ELFN2: variants seen among roughly 807,000 people sequenced by gnomAD.
ELFN2 encodes the protein protein phosphatase 1 regulatory subunit 29.
ELFN2 carries 17 observed loss-of-function variants against 45.5 expected under a neutral mutation model. The ratio of observed to expected loss-of-function variants is 0.37; its 90% confidence interval spans 0.26 to 0.56. The LOEUF is 0.56. ELFN2 is among the 20% of genes least tolerant of loss of function. The probability of loss-of-function intolerance (pLI) is 0.77; values close to 1 mark genes in which losing one functional copy is unlikely to be tolerated. For missense variants in ELFN2, 922 were observed against 1,183.2 expected, an observed-to-expected ratio of 0.78 and a Z score of 3.24; for synonymous variants, 550 against 551.5, an observed-to-expected ratio of 1.00 and a Z score of 0.04.
chr22:37,405,251 C>G (rs965540450), intron 2 of ELFN2, among the ~76,000 whole-genome samples: 1 of 152,066 alleles, frequency 6.6e-6, no homozygotes, highest in East Asian at 1.9e-4. Flanking sequence ...TTCCACCACA[C>G]CCAGCTAATT....
chr22:37,392,008 AG>A (rs2145659603), intron 2 of ELFN2, among the ~76,000 whole-genome samples: 1 of 152,300 alleles, frequency 6.6e-6, no homozygotes, highest in African/African-American at 2.4e-5. Context: ...TGCTGCAAGG[AG>A]GAGGAAAAGG....
rs552165003 is a variant in ELFN2 at position 37,375,511 on chromosome 22, C to G, written c.24G>C (p.Ala8=). MLRLGLC[A]AALLCVCRPG... The stretch of plus-strand genomic sequence containing the variant: ...GCCGGCACACGCACAGCAGCGCCGC[C>G]GCGCACAGCCCCAGGCGCAGCATGG... Residue 8 remains alanine, a synonymous_variant, in exon 3 of 3, where the codon GCG becomes GCC. Transcript: ENST00000402918. 2 of 1,565,968 alleles carry G rather than the reference C, an allele frequency of 1.3e-6. No individual in the cohort carries two copies. Among genetic ancestry groups the G allele is most frequent in the South Asian group, 2.3e-5 (2 of 86,302 alleles).
At position 37,373,435 on chromosome 22, in the gene ELFN2, C is replaced by G; in HGVS notation, c.2100G>C (p.Lys700Asn). Residue 700 changes from lysine (K) to asparagine (N), a missense_variant, in exon 3 of 3, where the codon AAG (lysine) becomes AAC (asparagine). Physicochemically the swap from Lys to Asn is moderately conservative, Grantham distance 94 (BLOSUM62 0). Coordinates refer to ENST00000402918, the MANE Select transcript of ELFN2 (RefSeq NM_052906.5). Reference protein sequence around the residue: ...GGGGIHHLEVKPAYHCSEHRH... With the variant: ...GGGGIHHLEVNPAYHCSEHRH... ...GGTGCTCGCTGCAGTGGTAGGCCGG[C>G]TTCACCTCCAGGTGGTGGATGCCCC... The G allele has an allele frequency of 6.4e-7, 1 of 1,553,534 alleles. No individual in the cohort carries two copies. Among genetic ancestry groups the G allele is most frequent in the South Asian group, 1.2e-5 (1 of 85,236 alleles).
At chr22:37,409,209 A>G (rs944597154) in intron 2 of ELFN2, among the ~76,000 whole-genome samples, 13 of 151,952 alleles carry the variant, frequency 8.6e-5, no homozygotes, top group African/African-American at 3.1e-4. Context: ...TGTGCCTGGC[A>G]CTCGCCTACC....
In ELFN2 at chr22:37,373,293, G is replaced by C; in HGVS notation, c.2242C>G (p.Pro748Ala). ...GAGTACCCTGAGTAGTAGTGTCTGG[G>C]GGAGAGCTGCGAGTAGGTGGAGTCA... ...KRDSTYSQLS[P>A]RHYYSGYSSS... Residue 748 changes from proline (P) to alanine (A), a missense_variant, in exon 3 of 3, where the codon CCC (proline) becomes GCC (alanine). This residue lies in a region of ELFN2 where 564 missense variants were observed against 642.8 expected (regional missense o/e 0.88). Coordinates refer to ENST00000402918, the MANE Select transcript of ELFN2 (RefSeq NM_052906.5). 2 of 1,613,794 alleles carry C rather than the reference G, an allele frequency of 1.2e-6. No homozygotes were observed. Among genetic ancestry groups the C allele is most frequent in the African/African-American group, 1.3e-5 (1 of 75,062 alleles).
At chr22:37,384,615 C>CACCTGACCCTGCCTCCCA (rs1411111870) in intron 2 of ELFN2, among the ~76,000 whole-genome samples, 72 of 87,544 alleles carry the variant, frequency 8.2e-4, no homozygotes, top group Non-Finnish European at 1.1e-3. Flanking sequence ...CCTGCCTCCC[C>CACCTGACCCTGCCTCCCA]CACCTGACCC....
exon 3 of ELFN2, chr22:37,340,862 A>G (rs1930541991): frequency 6.6e-6 from 1 of 152,232 alleles, no homozygotes; most frequent in African/African-American, 2.4e-5. Context: ...TACAGATGAG[A>G]AAAGTGAGGC....
At chr22:37,376,402 T>TAC (rs3041587) in intron 2 of ELFN2, among the ~76,000 whole-genome samples, 2,067 of 150,898 alleles carry the variant, frequency 0.014, 53 homozygotes, top group African/African-American at 0.047. Context: ...CGCAGACAGC[T>TAC]ACACACACAC....
rs142964476 is a variant in ELFN2, at chr22:37,351,451, G to A, written n.149-8748C>T. Among the ~76,000 whole-genome samples, 214 of 150,202 alleles carry A rather than the reference G, an allele frequency of 1.4e-3. 8 individuals are homozygous for A. Among genetic ancestry groups the A allele is most frequent in the South Asian group, 7.7e-3 (37 of 4,794 alleles). ...CTCCCTCACCTCTCCTCGAGTGACA[G>A]GTGCTGGGTGCTGGCATTGACTCCT... On this transcript the variant is annotated intron_variant and non_coding_transcript_variant, in intron 1 of 2. Transcript: ENST00000452946.
chr22:37,405,464 A>C (rs1042274029), intron 2 of ELFN2, among the ~76,000 whole-genome samples: 2 of 152,044 alleles, frequency 1.3e-5, no homozygotes, highest in Non-Finnish European at 1.5e-5. Flanking sequence ...GTCACTGTAA[A>C]CATGAAATAA....
In ELFN2 at chr22:37,417,220, G is replaced by A. The variant is rs923302232; in HGVS notation, c.-463+549C>T. Among the ~76,000 whole-genome samples the A allele has an allele frequency of 1.3e-5, 2 of 152,192 alleles. No homozygotes were observed. The highest frequency in any genetic ancestry group is 2.4e-5 in the African/African-American group (1 of 41,448). On this transcript the variant is annotated intron_variant, in intron 2 of 2. Coordinates refer to ENST00000402918, the MANE Select transcript of ELFN2 (RefSeq NM_052906.5). The surrounding 1 kb of genome is among the most constrained non-coding windows in gnomAD (Gnocchi z 4.5). ...GTCTGCCTGTTTGCGGCCTCCTAGT[G>A]CCAGACGGCTCTCCCTGTGCCTCCA...
intron 2 of ELFN2, among the ~76,000 whole-genome samples, chr22:37,415,776 C>T (rs769587692): frequency 2.0e-4 from 30 of 152,168 alleles, no homozygotes; most frequent in Non-Finnish European, 3.4e-4. Flanking sequence ...TCCTGGCTAA[C>T]ACCGTGAAAC....
chr22:37,344,006 C>A (rs982413234), intron 1 of ELFN2, among the ~76,000 whole-genome samples: 1 of 148,552 alleles, frequency 6.7e-6, no homozygotes, highest in South Asian at 2.1e-4. Flanking sequence ...CCTGCCCATG[C>A]CCCCCTGCCT....
At position 37,374,336 on chromosome 22, in the gene ELFN2, G is replaced by A; in HGVS notation, c.1199C>T (p.Thr400Ile). ...CATGCCAAAGAGGCAGCCCAGGATG[G>A]TCATGATGTAGTGGGTGGTGGTGGA... ...STSTTTHYIM[T>I]ILGCLFGMVI... The change falls in exon 3 of 3, where the codon ACC (threonine) becomes ATC (isoleucine). Residue 400 changes from threonine to isoleucine, a missense_variant. Thr to Ile is a moderately conservative substitution (Grantham distance 89). Transcript: ENST00000402918. The A allele has an allele frequency of 1.2e-5, 19 of 1,614,060 alleles. No homozygotes were observed. The highest frequency in any genetic ancestry group is 1.6e-5 in the Non-Finnish European group (19 of 1,180,020).
chr22:37,389,677 C>A (rs1932043750), intron 2 of ELFN2, among the ~76,000 whole-genome samples: 1 of 152,146 alleles, frequency 6.6e-6, no homozygotes, highest in Non-Finnish European at 1.5e-5. Flanking sequence ...ACCCGGGTCT[C>A]TGCTGCATCC....
intron 2 of ELFN2, among the ~76,000 whole-genome samples, chr22:37,394,278 C>G (rs951653058): frequency 3.9e-5 from 6 of 152,256 alleles, no homozygotes; most frequent in African/African-American, 1.4e-4. Flanking sequence ...TGGATGGCAG[C>G]ACCCACCTCC....
intron 2 of ELFN2, among the ~76,000 whole-genome samples, chr22:37,376,344 C>A (rs1931586459): frequency 6.6e-6 from 1 of 152,048 alleles, no homozygotes; most frequent in Non-Finnish European, 1.5e-5. Flanking sequence ...CCTACCTGCA[C>A]AGAGACCCAC....
chr22:37,389,508 A>C (rs748895521), intron 2 of ELFN2, among the ~76,000 whole-genome samples: 53 of 151,780 alleles, frequency 3.5e-4, no homozygotes, highest in Non-Finnish European at 1.6e-4. Context: ...GCCTTTGGAG[A>C]TCTCCCTTCT....
At chr22:37,379,083 G>A (rs891165734) in intron 2 of ELFN2, among the ~76,000 whole-genome samples, 15 of 152,206 alleles carry the variant, frequency 9.9e-5, no homozygotes, top group African/African-American at 3.1e-4. Flanking sequence ...GAGGAGGTGA[G>A]GACTGAGAAT....
Sources: gnomAD v4.1 joint callset for allele counts (sites outside exome capture counted in the v4.1 genomes callset) on GRCh38, gnomAD v4.1.1 for gene constraint, gnomAD v4.1.1 regional missense constraint, Gnocchi (gnomAD v3.1) non-coding constraint, MANE v1.5 for transcripts, NCBI Gene and HGNC (gene_info 2026-07-23, HGNC 2026-07-21) for gene names.